Variants in FBXW4 observed in about 807,000 individuals in gnomAD.
FBXW4 encodes the protein F-box/WD repeat-containing protein 4.
A neutral mutation model predicts 61.8 loss-of-function variants in FBXW4; 40 were observed. The ratio of observed to expected loss-of-function variants is 0.65; its 90% CI spans 0.50 to 0.84. FBXW4 has a LOEUF of 0.84. Ranked by LOEUF, FBXW4 falls within the 40% of genes least tolerant of loss-of-function variation. The pLI is 0.00. For missense variants in FBXW4, 672 were observed against 753.8 expected, an observed-to-expected ratio of 0.89 and a Z score of 1.27; for synonymous variants, 311 against 313.8, an observed-to-expected ratio of 0.99 and a Z score of 0.10.
At chr10:101,687,319 C>A (rs914878726) in intron 1 of FBXW4, among the ~76,000 whole-genome samples, 1 of 152,022 alleles carries the variant, frequency 6.6e-6, no homozygotes, top group Non-Finnish European at 1.5e-5. Context: ...TGGGGGTATC[C>A]CTCCAAAGCT....
intron 6 of FBXW4, among the ~76,000 whole-genome samples, chr10:101,618,355 G>T (rs1028615444): frequency 6.6e-6 from 1 of 152,192 alleles, no homozygotes; most frequent in Admixed American, 6.5e-5. Context: ...AGAGCTTCGT[G>T]GTGGAGGTGC....
At chr10:101,614,095 T>C (rs1161624871) in intron 6 of FBXW4, among the ~76,000 whole-genome samples, 1 of 152,174 alleles carries the variant, frequency 6.6e-6, no homozygotes, top group Non-Finnish European at 1.5e-5. Context: ...AGGGGAGTCA[T>C]TCTCTCTCTT....
chr10:101,689,164 G>A (rs1216760701), intron 1 of FBXW4, among the ~76,000 whole-genome samples: 1 of 151,024 alleles, frequency 6.6e-6, no homozygotes, highest in Non-Finnish European at 1.5e-5. Flanking sequence ...ATGGAGTACC[G>A]AAATATTTTC....
chr10:101,631,744 C>T (rs1480014342), intron 5 of FBXW4, among the ~76,000 whole-genome samples: 1 of 151,922 alleles, frequency 6.6e-6, no homozygotes, highest in Non-Finnish European at 1.5e-5. Context: ...TCTTCTGCCT[C>T]AGCCTCCCAA....
intron 5 of FBXW4, among the ~76,000 whole-genome samples, chr10:101,629,008 C>T (rs1370902719): frequency 6.6e-6 from 1 of 152,188 alleles, no homozygotes; most frequent in African/African-American, 2.4e-5. Context: ...AGGGGCCTGT[C>T]TCACCAGAGG....
chr10:101,660,473 C>A (rs1300184013), intron 5 of FBXW4, among the ~76,000 whole-genome samples: 1 of 152,144 alleles, frequency 6.6e-6, no homozygotes, highest in Non-Finnish European at 1.5e-5. Context: ...AACAGCTACA[C>A]CAGCCACAGA....
chr10:101,686,333 A>T (rs2064533146), intron 1 of FBXW4, among the ~76,000 whole-genome samples: 1 of 152,192 alleles, frequency 6.6e-6, no homozygotes, highest in African/African-American at 2.4e-5. Flanking sequence ...TCCCCAATGG[A>T]CATTGTGATC....
intron 6 of FBXW4, among the ~76,000 whole-genome samples, chr10:101,618,558 C>T (rs992628268): frequency 6.6e-6 from 1 of 152,058 alleles, no homozygotes; most frequent in Non-Finnish European, 1.5e-5. Flanking sequence ...GGAGGTGTAA[C>T]ATGGGACCAG....
intron 1 of FBXW4, among the ~76,000 whole-genome samples, chr10:101,684,271 C>T (rs2064508879): frequency 6.6e-6 from 1 of 152,202 alleles, no homozygotes; most frequent in African/African-American, 2.4e-5. Flanking sequence ...CTACAGGCGC[C>T]CGCCACCATG....
chr10:101,617,227 C>T (rs1048545292), intron 6 of FBXW4, among the ~76,000 whole-genome samples: 8 of 152,100 alleles, frequency 5.3e-5, no homozygotes, highest in African/African-American at 9.7e-5. Context: ...AAAATGAAGG[C>T]GCAGGGGTCA....
chr10:101,688,412 G>A (rs2064555093), intron 1 of FBXW4, among the ~76,000 whole-genome samples: 1 of 152,174 alleles, frequency 6.6e-6, no homozygotes. Context: ...CAGGCACAGG[G>A]GCCCATTGGG....
chr10:101,612,248 CCT>C (rs1436250444), intron 7 of FBXW4, 87 bp downstream of exon 7: 24 of 1,346,540 alleles, frequency 1.8e-5, no homozygotes, highest in African/African-American at 8.9e-5. Flanking sequence ...GTCTCTGTGC[CCT>C]CTCCCATGGG....
At chr10:101,659,220 A>G (rs1487959899) in intron 5 of FBXW4, among the ~76,000 whole-genome samples, 22 of 151,964 alleles carry the variant, frequency 1.4e-4, no homozygotes, top group Admixed American at 1.4e-3. Flanking sequence ...CACCTCCCTC[A>G]CTCCCCTTCG....
intron 5 of FBXW4, among the ~76,000 whole-genome samples, chr10:101,648,571 G>T (rs555425700): frequency 5.3e-5 from 8 of 152,122 alleles, no homozygotes; most frequent in Non-Finnish European, 1.2e-4. Flanking sequence ...TATCTCAGTC[G>T]ATAATCTTTC....
Position 101,612,346 on chromosome 10 carries a change from G to T in FBXW4, c.1433C>A (p.Thr478Asn). ...TGCCCAGCACACTCACCGGACGCTG[G>T]TGCGGAGGTCCCAGTAGCGAACATA... ...DTYVRYWDLR[T>N]SVRKCVMEWE... Residue 478 changes from threonine (T) to asparagine (N), a missense_variant, in exon 7 of 9, where the codon ACC becomes AAC. Thr to Asn is a moderately conservative substitution (Grantham distance 65). Transcript: ENST00000331272. 1 of 1,573,580 alleles carries T rather than the reference G, an allele frequency of 6.4e-7. No individual in the cohort carries two copies. The highest frequency in any genetic ancestry group is 8.6e-7 in the Non-Finnish European group (1 of 1,157,374).
chr10:101,651,497 C>T (rs540261316), intron 5 of FBXW4, among the ~76,000 whole-genome samples: 52 of 152,270 alleles, frequency 3.4e-4, no homozygotes, highest in Non-Finnish European at 7.1e-4. Flanking sequence ...GAATCAGGGA[C>T]GGTTTATCAA....
intron 3 of FBXW4, 114 bp from the exon 4 acceptor site, chr10:101,673,161 T>A: frequency 7.5e-7 from 1 of 1,339,390 alleles, no homozygotes; most frequent in South Asian, 1.4e-5. Flanking sequence ...TGCTAAGCAT[T>A]AGACAATTCA....
At chr10:101,687,485 G>C (rs930858875) in intron 1 of FBXW4, among the ~76,000 whole-genome samples, 1 of 152,110 alleles carries the variant, frequency 6.6e-6, no homozygotes, top group Non-Finnish European at 1.5e-5. Flanking sequence ...TCCTCAATAT[G>C]ACTCCAAACT....
intron 7 of FBXW4, 66 bp downstream of exon 7, chr10:101,612,271 A>G: frequency 7.0e-7 from 1 of 1,434,318 alleles, no homozygotes; most frequent in Non-Finnish European, 9.2e-7. Flanking sequence ...CCAACCCAGG[A>G]CTGGAGGAAG....
Sources: gnomAD v4.1 joint callset for allele counts (sites outside exome capture counted in the v4.1 genomes callset) on GRCh38, gnomAD v4.1.1 for gene constraint, MANE v1.5 for transcripts, NCBI Gene and HGNC (gene_info 2026-07-23, HGNC 2026-07-21) for gene names.